The following MTOR variants were observed in gnomAD, a reference collection of about 807,000 sequenced individuals.
MTOR encodes serine/threonine-protein kinase mTOR.
In MTOR, 70 loss-of-function variants were observed where a neutral mutation model predicts 319.8. The observed-to-expected ratio is 0.22, with a 90% CI of 0.18 to 0.27. The LOEUF is 0.27. Ranked by LOEUF, MTOR falls within the 10% of genes least tolerant of loss-of-function variation. The pLI is 1.00. For missense variants in MTOR, 1,890 were observed against 3,274.4 expected (o/e 0.58, Z 10.32); for synonymous variants, 1,183 against 1,211.4 (o/e 0.98, Z 0.49).
At position 11,256,983 on chromosome 1, in the gene MTOR, C is replaced by T. The variant is rs763938203; in HGVS notation, c.454G>A (p.Ala152Thr). The change falls in exon 4 of 58, where the codon GCC becomes ACC. Residue 152 changes from alanine (A) to threonine (T), a missense_variant. Ala to Thr is a moderately conservative substitution (Grantham distance 58, BLOSUM62 0). Coordinates refer to ENST00000361445, the MANE Select transcript of MTOR (RefSeq NM_004958.4). ...AEYVEFEVKR[A>T]LEWLGADRNE... ...CGGTCAGCACCCAGCCATTCCAGGG[C>T]TCGCTTCACCTCAAATTCCACGTAC... 1 of 1,614,098 alleles carries T rather than the reference C, an allele frequency of 6.2e-7. No individual in the cohort carries two copies. The highest frequency in any genetic ancestry group is 8.5e-7 in the Non-Finnish European group (1 of 1,180,010).
intron 32 of MTOR, among the ~76,000 whole-genome samples, chr1:11,146,475 T>C (rs1229992112): frequency 6.6e-6 from 1 of 151,984 alleles, no homozygotes; most frequent in African/African-American, 2.4e-5. Flanking sequence ...AACACATTTG[T>C]CCCCCTCAGA....
chr1:11,122,327 C>T (rs1642576640), intron 47 of MTOR, among the ~76,000 whole-genome samples: 1 of 151,756 alleles, frequency 6.6e-6, no homozygotes, highest in Non-Finnish European at 1.5e-5. Flanking sequence ...CCTCAGCCTC[C>T]CGAGTAGCTG....
At position 11,139,291 on chromosome 1, in the gene MTOR, T is replaced by C. The variant is rs745603902; in HGVS notation, c.5130+13A>G. 86 of 1,596,084 alleles carry C rather than the reference T, an allele frequency of 5.4e-5. No homozygotes were observed. The highest frequency in any genetic ancestry group is 1.8e-4 in the Middle Eastern group (1 of 5,464). ...GAGAAGGTGGTCTGTTCTGGATGCA[T>C]TGGGATACAGACCTTGCGGGCACTC... On this transcript the variant is annotated intron_variant, in intron 36 of 57. Coordinates refer to ENST00000361445, the MANE Select transcript of MTOR (RefSeq NM_004958.4).
chr1:11,117,199 C>T (rs186786336), intron 49 of MTOR, 113 bp from the exon 50 acceptor site: 12 of 848,776 alleles, frequency 1.4e-5, no homozygotes, highest in African/African-American at 7.0e-5. Context: ...CTCGCTCTGT[C>T]GCCCAGGCTG....
In MTOR at chr1:11,204,650, T is replaced by C. The variant is rs759585316; in HGVS notation, c.3855A>G (p.Arg1285=). The stretch of plus-strand genomic sequence containing the variant: ...CCTTCAGCAGCTCCAGGCTCAGCCG[T>C]CTCAGCCATTCCAGCCAGTCATCTT... ...VSKDDWLEWL[R]RLSLELLKDS... is the part of the protein sequence containing the mutation. The change falls in exon 26 of 58, where the codon AGA becomes AGG. Residue 1285 remains arginine (R), a synonymous_variant. Coordinates refer to ENST00000361445, the MANE Select transcript of MTOR (RefSeq NM_004958.4). 1.1e-5 allele frequency: 17 copies of C among 1,614,008 alleles called. No individual in the cohort carries two copies. Among genetic ancestry groups the C allele is most frequent in the Admixed American group, 3.3e-5 (2 of 59,998 alleles).
chr1:11,210,211 G>A (rs1015576136), intron 24 of MTOR, among the ~76,000 whole-genome samples: 1 of 152,204 alleles, frequency 6.6e-6, no homozygotes, highest in Non-Finnish European at 1.5e-5. Flanking sequence ...CACCCAGGCT[G>A]GAGTGCACTG....
In MTOR at chr1:11,139,303, C is replaced by T. The variant is rs867481999; in HGVS notation, c.5130+1G>A. ...TGTTCTGGATGCATTGGGATACAGA[C>T]CTTGCGGGCACTCTTCCACATGTTT... On this transcript the variant is annotated splice_donor_variant, in intron 36 of 57. Transcript: ENST00000361445. LOFTEE classifies it high-confidence loss of function. 1 of 1,603,702 alleles carries T rather than the reference C, an allele frequency of 6.2e-7. No homozygotes were observed. Among genetic ancestry groups the T allele is most frequent in the Non-Finnish European group, 8.5e-7 (1 of 1,177,484 alleles).
At chr1:11,140,442 C>A (rs990443353) in intron 34 of MTOR, among the ~76,000 whole-genome samples, 1 of 152,170 alleles carries the variant, frequency 6.6e-6, no homozygotes, top group Non-Finnish European at 1.5e-5. Flanking sequence ...AATGTGGCTG[C>A]CGATCTGACA....
At chr1:11,253,153 A>T (rs1649920687) in intron 6 of MTOR, among the ~76,000 whole-genome samples, 1 of 152,200 alleles carries the variant, frequency 6.6e-6, no homozygotes, top group Admixed American at 6.5e-5. Flanking sequence ...ACTCAGGGTC[A>T]GATGTGCATT....
intron 28 of MTOR, among the ~76,000 whole-genome samples, chr1:11,174,581 G>C (rs1206989253): frequency 6.6e-6 from 1 of 152,178 alleles, no homozygotes; most frequent in Non-Finnish European, 1.5e-5. Context: ...CAGCCACTAA[G>C]TCCCAGATCT....
At chr1:11,184,449 T>C (rs1164282378) in intron 28 of MTOR, among the ~76,000 whole-genome samples, 5 of 152,192 alleles carry the variant, frequency 3.3e-5, no homozygotes, top group African/African-American at 1.2e-4. Context: ...AAAATCTTGT[T>C]TGGGCTGTGT....
rs966492048 is a variant in MTOR at position 11,234,382 on chromosome 1, T to C, written c.2209-117A>G. The C allele has an allele frequency of 5.1e-6, 6 of 1,183,996 alleles. No homozygotes were observed. In the African/African-American group the frequency reaches 6.1e-5, roughly 12 times the overall value. The allele number at this position is 1,183,996 out of a possible 1,614,324, so 73.3% of individuals were successfully genotyped here. ...GAAAAACCCAGACCTCCACGACAGA[T>C]GAAGTAGCTGCTAGATACTCAATGA... On this transcript the variant is annotated intron_variant, in intron 13 of 57. Coordinates refer to ENST00000361445, the MANE Select transcript of MTOR (RefSeq NM_004958.4).
At chr1:11,114,608 G>A (rs1557739789) in intron 52 of MTOR, 155 bp from the exon 53 acceptor site, 1 of 1,157,218 alleles carries the variant, frequency 8.6e-7, no homozygotes, top group Non-Finnish European at 1.2e-6. Context: ...GGGCAGGACT[G>A]TGATCCACAG....
At chr1:11,234,931 A>G (rs1055109919) in intron 13 of MTOR, among the ~76,000 whole-genome samples, 1 of 152,238 alleles carries the variant, frequency 6.6e-6, no homozygotes, top group African/African-American at 2.4e-5. Context: ...ATTTCTGGAT[A>G]AAGCTGCCAG....
At position 11,256,118 on chromosome 1, in the gene MTOR, G is replaced by A; in HGVS notation, c.579C>T (p.Asn193=). The change falls in exon 5 of 58, where the codon AAC becomes AAT. Residue 193 remains asparagine, a synonymous_variant. Transcript: ENST00000361445. The part of the protein sequence containing the change: ...FFQQVQPFFD[N]IFVAVWDPKQ... ...TGGGGTCCCACACGGCCACAAAAAT[G>A]TTGTCAAAGAAGGGTTGCACTTGCT... 1 of 1,614,202 alleles carries A rather than the reference G, an allele frequency of 6.2e-7. No homozygotes were observed. Among genetic ancestry groups the A allele is most frequent in the Non-Finnish European group, 8.5e-7 (1 of 1,180,036 alleles).
intron 46 of MTOR, 133 bp from the exon 47 acceptor site, chr1:11,124,766 A>C: frequency 9.9e-7 from 1 of 1,013,318 alleles, no homozygotes; most frequent in Non-Finnish European, 1.4e-6. Flanking sequence ...CAAAAAGAAA[A>C]AACAATCTTT....
rs1254973298 is a variant in MTOR, at chr1:11,126,941, C to G, written c.6351+69G>C. On this transcript the variant is annotated intron_variant, in intron 45 of 57. Transcript: ENST00000361445. ...AGATGCTTTGGAATGAGTGTTAGAACATTCATAGACAGTAAAACAGAAAGG... is the reference window on the plus strand; with the variant it reads ...AGATGCTTTGGAATGAGTGTTAGAAGATTCATAGACAGTAAAACAGAAAGG... 5 of 1,590,916 alleles carry G rather than the reference C, an allele frequency of 3.1e-6. No homozygotes were observed. The African/African-American group carries it at 5.4e-5, about 17-fold the overall frequency.
intron 33 of MTOR, 89 bp from the exon 34 acceptor site, chr1:11,144,844 G>A: frequency 6.6e-7 from 1 of 1,511,942 alleles, no homozygotes; most frequent in Admixed American, 1.7e-5. Flanking sequence ...CTGGTGTCAG[G>A]GTATCTGCCG....
chr1:11,203,129 CTT>C (rs1646032786), intron 26 of MTOR, among the ~76,000 whole-genome samples: 1 of 152,096 alleles, frequency 6.6e-6, no homozygotes, highest in Non-Finnish European at 1.5e-5. Context: ...AGGAGAATCG[CTT>C]GAACCCAGGA....
Sources: gnomAD v4.1 joint callset for allele counts (sites outside exome capture counted in the v4.1 genomes callset) on GRCh38, gnomAD v4.1.1 for gene constraint, MANE v1.5 for transcripts, NCBI Gene and HGNC (gene_info 2026-07-23, HGNC 2026-07-21) for gene names.